WWOX: variants seen among roughly 807,000 people sequenced by gnomAD.
WWOX encodes the protein WW domain-containing oxidoreductase.
In WWOX, 69 loss-of-function variants were observed where a neutral mutation model predicts 46.2. That is an observed-to-expected ratio of 1.49 (90% CI 1.23 to 1.82). The LOEUF is 1.82. Ranked by LOEUF, WWOX falls within the 40% of genes most tolerant of loss-of-function variation. The pLI is 0.00. For synonymous variants in WWOX, 359 were observed against 202.6 expected, an observed-to-expected ratio of 1.77 and a Z score of -6.56; for missense variants, 919 against 542.6, an observed-to-expected ratio of 1.69 and a Z score of -6.89.
At chr16:78,235,543 A>G (rs2037407377) in intron 5 of WWOX, among the ~76,000 whole-genome samples, 1 of 152,148 alleles carries the variant, frequency 6.6e-6, no homozygotes, top group Non-Finnish European at 1.5e-5. Flanking sequence ...CCTTGTCTCT[A>G]GCTCTCTGTC....
intron 8 of WWOX, among the ~76,000 whole-genome samples, chr16:78,767,469 AGTGTGTGTGTGTCTGT>A (rs1567546346): frequency 8.8e-6 from 1 of 114,236 alleles, no homozygotes; most frequent in African/African-American, 3.4e-5. Flanking sequence ...TTTCTGTGTG[AGTGTGTGTGTGTCTGT>A]GTGTGTGTGT....
chr16:78,996,141 CTTTTT>C (rs974712792), intron 8 of WWOX: 1 of 923,484 alleles, frequency 1.1e-6, no homozygotes, highest in African/African-American at 1.9e-5. Context: ...GTAGAATGTT[CTTTTT>C]TTTAATTTTT....
chr16:78,931,016 C>T (rs1291344407), intron 8 of WWOX, among the ~76,000 whole-genome samples: 1 of 152,190 alleles, frequency 6.6e-6, no homozygotes, highest in Non-Finnish European at 1.5e-5. Context: ...CAATATCTAT[C>T]TCCTACACCT....
At chr16:78,640,780 A>G (rs2046688057) in intron 8 of WWOX, among the ~76,000 whole-genome samples, 1 of 152,026 alleles carries the variant, frequency 6.6e-6, no homozygotes, top group African/African-American at 2.4e-5. Flanking sequence ...CTCTACTAAA[A>G]TACAAAAAAT....
intron 8 of WWOX, among the ~76,000 whole-genome samples, chr16:78,722,036 A>G (rs1033459019): frequency 3.9e-5 from 6 of 152,238 alleles, no homozygotes; most frequent in Non-Finnish European, 8.8e-5. Context: ...TATTTTGCAT[A>G]TTAATACTTG....
chr16:78,527,150 C>T (rs55649235), intron 8 of WWOX, among the ~76,000 whole-genome samples: 4,344 of 151,872 alleles, frequency 0.029, 170 homozygotes, highest in African/African-American at 0.092. Flanking sequence ...GCAAAAAGAG[C>T]GGGGTAAAAA....
At chr16:78,440,925 G>GTTTCTTTTTCTTTTTTCTTTTCT (rs2083430993) in intron 8 of WWOX, among the ~76,000 whole-genome samples, 2 of 152,056 alleles carry the variant, frequency 1.3e-5, no homozygotes, top group East Asian at 3.9e-4. Context: ...CTGGCCTGTA[G>GTTTCTTTTTCTTTTTTCTTTTCT]TTTCTTTTTC....
intron 8 of WWOX, among the ~76,000 whole-genome samples, chr16:79,107,358 G>A (rs2049331718): frequency 6.6e-6 from 1 of 152,102 alleles, no homozygotes; most frequent in South Asian, 2.1e-4. Context: ...AAAGTGCTGG[G>A]ATGACAGGCA....
intron 6 of WWOX, among the ~76,000 whole-genome samples, chr16:78,400,568 T>C (rs2082388812): frequency 6.6e-6 from 1 of 152,156 alleles, no homozygotes; most frequent in Admixed American, 6.5e-5. Flanking sequence ...TACAATTTTA[T>C]TTCCCAACTT....
chr16:78,751,357 A>T (rs1253739739), intron 8 of WWOX, among the ~76,000 whole-genome samples: 4 of 149,872 alleles, frequency 2.7e-5, no homozygotes, highest in African/African-American at 9.7e-5. Flanking sequence ...AAAAAAAGAA[A>T]CAGAGGTGTA....
At chr16:78,409,402 T>C (rs1368703621) in intron 6 of WWOX, among the ~76,000 whole-genome samples, 1 of 152,094 alleles carries the variant, frequency 6.6e-6, no homozygotes, top group Non-Finnish European at 1.5e-5. Flanking sequence ...CTGGGAACCA[T>C]TGATCTTTTT....
intron 8 of WWOX, among the ~76,000 whole-genome samples, chr16:78,883,323 G>T (rs1487756875): frequency 1.3e-5 from 2 of 152,148 alleles, no homozygotes; most frequent in Non-Finnish European, 2.9e-5. Context: ...ATGCCATCCG[G>T]TGACATCCTG....
chr16:79,104,684 C>G (rs374157903), intron 8 of WWOX, among the ~76,000 whole-genome samples: 6 of 152,244 alleles, frequency 3.9e-5, no homozygotes, highest in East Asian at 1.9e-4. Flanking sequence ...GATGTGTAAT[C>G]CCCGTTCCTC....
At chr16:78,312,914 G>A (rs545563747) in intron 5 of WWOX, among the ~76,000 whole-genome samples, 30 of 152,180 alleles carry the variant, frequency 2.0e-4, no homozygotes, top group Non-Finnish European at 3.8e-4. Context: ...GGCATGTGCT[G>A]TGTGCCATTC....
In WWOX at chr16:79,171,564, C is replaced by G. The variant is rs537979749; in HGVS notation, c.1057-40044C>G. Among the ~76,000 whole-genome samples the G allele has an allele frequency of 3.3e-5, 5 of 152,262 alleles. No individual in the cohort carries two copies. In the East Asian group the frequency reaches 7.7e-4, roughly 24 times the overall value. ...GAATGGTAGCCCCCAGGTCCCCTAACAGTGGGTGCTGATTTCACAGTGGGC... is the reference window on the plus strand; with the variant it reads ...GAATGGTAGCCCCCAGGTCCCCTAAGAGTGGGTGCTGATTTCACAGTGGGC... On this transcript the variant is annotated intron_variant, in intron 8 of 8. Transcript: ENST00000566780.
chr16:78,688,511 T>G (rs1026860382), intron 8 of WWOX, among the ~76,000 whole-genome samples: 18 of 152,206 alleles, frequency 1.2e-4, no homozygotes, highest in Admixed American at 1.0e-3. Flanking sequence ...GCCTTCATTA[T>G]ATCACCTTTA....
chr16:78,968,125 C>T (rs920234973), intron 8 of WWOX, among the ~76,000 whole-genome samples: 1 of 7,776 alleles, frequency 1.3e-4, no homozygotes, highest in Non-Finnish European at 5.4e-4. Context: ...CGTGGCACAG[C>T]GCGTGGTCCG....
At chr16:79,044,174 G>T (rs1424036993) in intron 8 of WWOX, among the ~76,000 whole-genome samples, 1 of 152,212 alleles carries the variant, frequency 6.6e-6, no homozygotes, top group African/African-American at 2.4e-5. Context: ...TGTGTTCAGG[G>T]AGGAGTCTTC....
At chr16:78,259,961 G>T (rs1267116384) in intron 5 of WWOX, among the ~76,000 whole-genome samples, 1 of 151,202 alleles carries the variant, frequency 6.6e-6, no homozygotes, top group Middle Eastern at 3.2e-3. Flanking sequence ...AAAATCCTAT[G>T]CAGTTTACAG....
Sources: allele counts gnomAD v4.1 joint callset (sites outside exome capture counted in the v4.1 genomes callset), GRCh38; gene constraint gnomAD v4.1.1; transcripts MANE v1.5; gene names NCBI Gene and HGNC (gene_info 2026-07-23, HGNC 2026-07-21).